The following NCKAP5 variants were observed in gnomAD, a reference collection of about 807,000 sequenced individuals.
NCKAP5 encodes the protein nck-associated protein 5.
NCKAP5 carries 92 observed loss-of-function variants against 167.0 expected under a neutral mutation model. The ratio of observed to expected loss-of-function variants is 0.55; its 90% CI spans 0.47 to 0.66. The LOEUF (loss-of-function observed/expected upper bound fraction) is 0.66, where lower values mean the gene tolerates loss of function less well. Ranked by LOEUF, NCKAP5 falls within the 30% of genes least tolerant of loss-of-function variation. The pLI is 0.00. For synonymous variants in NCKAP5, 891 were observed against 877.4 expected (o/e 1.02, Z -0.27); for missense variants, 2,378 against 2,315.0 (o/e 1.03, Z -0.56).
At chr2:133,226,628 C>CAT (rs2086906196) in intron 4 of NCKAP5, among the ~76,000 whole-genome samples, 2 of 151,630 alleles carry the variant, frequency 1.3e-5, no homozygotes, top group Admixed American at 1.3e-4. Flanking sequence ...CACACACACA[C>CAT]ACACACACAC....
chr2:133,093,897 A>G (rs528979309), intron 6 of NCKAP5, among the ~76,000 whole-genome samples: 5 of 152,324 alleles, frequency 3.3e-5, no homozygotes, highest in African/African-American at 7.2e-5. Context: ...GTACTGCCCA[A>G]TCAGAAAGAG....
At chr2:133,128,446 A>G (rs984724781) in intron 6 of NCKAP5, among the ~76,000 whole-genome samples, 1 of 152,208 alleles carries the variant, frequency 6.6e-6, no homozygotes, top group Admixed American at 6.5e-5. Context: ...AAGGGATTTT[A>G]ACATAATAGT....
chr2:133,483,812 G>C (rs1680674254), intron 3 of NCKAP5, among the ~76,000 whole-genome samples: 1 of 152,118 alleles, frequency 6.6e-6, no homozygotes, highest in South Asian at 2.1e-4. Flanking sequence ...AGATTGCATG[G>C]TCTCCCCCCA....
the NCKAP5 span, among the ~76,000 whole-genome samples, chr2:133,656,737 T>G: frequency 3.9e-5 from 6 of 152,188 alleles, no homozygotes; most frequent in Admixed American, 6.5e-5. Context: ...CTCCATTAGT[T>G]GGGATTCTAT....
At chr2:132,699,378 G>A (rs1281670969) in intron 19 of NCKAP5, among the ~76,000 whole-genome samples, 1 of 152,060 alleles carries the variant, frequency 6.6e-6, no homozygotes, top group Non-Finnish European at 1.5e-5. Flanking sequence ...TGTGCACAAT[G>A]TGCAGGTTTG....
chr2:133,608,066 T>C, the NCKAP5 span, among the ~76,000 whole-genome samples: 4 of 152,238 alleles, frequency 2.6e-5, no homozygotes, highest in Non-Finnish European at 5.9e-5. Flanking sequence ...AAATACCTAA[T>C]GTGAATCTGA....
At chr2:132,760,618 T>C (rs937738831) in intron 16 of NCKAP5, among the ~76,000 whole-genome samples, 1 of 150,868 alleles carries the variant, frequency 6.6e-6, no homozygotes, top group Non-Finnish European at 1.5e-5. Context: ...TTCCCCCTCA[T>C]GGTTTCATTG....
At chr2:133,003,550 C>T (rs937525873) in intron 6 of NCKAP5, among the ~76,000 whole-genome samples, 1 of 152,180 alleles carries the variant, frequency 6.6e-6, no homozygotes, top group Non-Finnish European at 1.5e-5. Flanking sequence ...CACTTGGATG[C>T]TCTTAACCCA....
chr2:132,921,311 C>A (rs186931549), intron 8 of NCKAP5, among the ~76,000 whole-genome samples: 1 of 152,272 alleles, frequency 6.6e-6, no homozygotes, highest in Admixed American at 6.5e-5. Flanking sequence ...CCAACACTCC[C>A]ACCTGAAGCA....
At chr2:133,565,607 C>A (rs1021199008) in intron 1 of NCKAP5, among the ~76,000 whole-genome samples, 1 of 152,168 alleles carries the variant, frequency 6.6e-6, no homozygotes, top group Non-Finnish European at 1.5e-5. Context: ...CCCTGATTAG[C>A]CATCAGGCCC....
At position 132,785,104 on chromosome 2, in the gene NCKAP5, G is replaced by A; in HGVS notation, c.1707C>T (p.Gly569=). 2 of 1,614,006 alleles carry A rather than the reference G, an allele frequency of 1.2e-6. No individual in the cohort carries two copies. The highest frequency in any genetic ancestry group is 2.2e-5 in the South Asian group (2 of 91,082). Residue 569 remains glycine (G), a synonymous_variant, in exon 14 of 20, where the codon GGC becomes GGT. Transcript: ENST00000409261. The part of the protein sequence containing the change: ...VQRERGPQGQ[G]HGRMALNLQL... ...GGAGGTTGAGAGCCATGCGGCCATG[G>A]CCTTGGCCCTGTGGGCCCCTCTCCC...
intron 8 of NCKAP5, among the ~76,000 whole-genome samples, chr2:132,937,353 T>C (rs1696932143): frequency 6.6e-6 from 1 of 152,228 alleles, no homozygotes; most frequent in South Asian, 2.1e-4. Context: ...AACCTCTGTT[T>C]ACTAACTGTG....
intron 3 of NCKAP5, among the ~76,000 whole-genome samples, chr2:133,446,364 A>G (rs1691193997): frequency 6.6e-6 from 1 of 152,208 alleles, no homozygotes; most frequent in African/African-American, 2.4e-5. Context: ...GGAAAATAAA[A>G]ACAAAAATAG....
At chr2:132,775,607 A>G (rs1035120301) in intron 15 of NCKAP5, among the ~76,000 whole-genome samples, 1 of 152,202 alleles carries the variant, frequency 6.6e-6, no homozygotes, top group Non-Finnish European at 1.5e-5. Flanking sequence ...GCACATATTT[A>G]CAGATGGCAG....
At chr2:133,309,481 T>TG (rs1346816649) in intron 3 of NCKAP5, among the ~76,000 whole-genome samples, 1 of 152,060 alleles carries the variant, frequency 6.6e-6, no homozygotes, top group East Asian at 1.9e-4. Context: ...GGGCTGAAGG[T>TG]GGGGGGCACC....
intron 6 of NCKAP5, among the ~76,000 whole-genome samples, chr2:133,114,642 C>T (rs79707421): frequency 0.017 from 2,565 of 152,218 alleles, 75 homozygotes; most frequent in African/African-American, 0.058. Context: ...CAATGTCTCA[C>T]GACACTATTC....
intron 6 of NCKAP5, among the ~76,000 whole-genome samples, chr2:133,059,834 A>G (rs1038902909): frequency 6.6e-6 from 1 of 152,144 alleles, no homozygotes; most frequent in East Asian, 1.9e-4. Context: ...ACTATGATAT[A>G]CACTTTATTG....
chr2:132,715,910 T>C (rs1689329690), intron 19 of NCKAP5, among the ~76,000 whole-genome samples: 1 of 152,170 alleles, frequency 6.6e-6, no homozygotes, highest in Non-Finnish European at 1.5e-5. Context: ...TCCCTCCCAA[T>C]GAACATTTCT....
intron 3 of NCKAP5, among the ~76,000 whole-genome samples, chr2:133,311,708 C>T (rs78664837): frequency 0.018 from 2,719 of 152,228 alleles, 70 homozygotes; most frequent in African/African-American, 0.06. Context: ...GATGTTATCA[C>T]TCAGAAAATA....
Sources: allele counts gnomAD v4.1 joint callset (sites outside exome capture counted in the v4.1 genomes callset), GRCh38; gene constraint gnomAD v4.1.1; transcripts MANE v1.5; gene names NCBI Gene and HGNC (gene_info 2026-07-23, HGNC 2026-07-21).